The following DCDC1 variants were observed in gnomAD, a reference collection of about 807,000 sequenced individuals.
DCDC1 encodes doublecortin domain-containing protein 1.
A neutral mutation model predicts 178.3 loss-of-function variants in DCDC1; 200 were observed. The ratio of observed to expected loss-of-function variants is 1.12; its 90% CI spans 1.00 to 1.26. DCDC1 has a LOEUF of 1.26. Among genes scored for constraint, DCDC1 ranks in the 50% most tolerant of loss-of-function variants. The probability of loss-of-function intolerance (pLI) is 0.00; values close to 1 mark genes in which losing one functional copy is unlikely to be tolerated. For missense variants in DCDC1, 1,983 were observed against 1,749.2 expected (o/e 1.13, Z -2.38); for synonymous variants, 690 against 604.8 (o/e 1.14, Z -2.07).
intron 9 of DCDC1, among the ~76,000 whole-genome samples, chr11:31,219,616 G>A (rs1185020971): frequency 1.3e-5 from 2 of 152,080 alleles, no homozygotes; most frequent in African/African-American, 4.8e-5. Context: ...TCTTGAAAAG[G>A]GTTTTCATTC....
intron 3 of DCDC1, among the ~76,000 whole-genome samples, chr11:31,309,903 T>C (rs1055863750): frequency 6.6e-6 from 1 of 152,196 alleles, no homozygotes; most frequent in African/African-American, 2.4e-5. Flanking sequence ...TGGATTTTAC[T>C]GGAATATAAT....
At chr11:30,960,270 C>T (rs556339756) in intron 20 of DCDC1, among the ~76,000 whole-genome samples, 122 of 152,220 alleles carry the variant, frequency 8.0e-4, no homozygotes, top group Non-Finnish European at 1.6e-3. Flanking sequence ...TTTTCATTAT[C>T]TGGTTGCAGT....
At chr11:31,247,707 A>C (rs963505459) in intron 8 of DCDC1, among the ~76,000 whole-genome samples, 1 of 151,984 alleles carries the variant, frequency 6.6e-6, no homozygotes, top group African/African-American at 2.4e-5. Context: ...ATACATCCCC[A>C]GTAGCACATT....
At chr11:31,169,496 G>C (rs1304105986) in intron 9 of DCDC1, among the ~76,000 whole-genome samples, 2 of 152,126 alleles carry the variant, frequency 1.3e-5, no homozygotes, top group East Asian at 1.9e-4. Flanking sequence ...TCAGAACAAG[G>C]CTCTTTCCTC....
chr11:31,198,524 A>G (rs767317554), intron 9 of DCDC1, among the ~76,000 whole-genome samples: 2 of 152,058 alleles, frequency 1.3e-5, no homozygotes, highest in Non-Finnish European at 1.5e-5. Context: ...GAATTCATGG[A>G]TATAGCAGGG....
chr11:31,231,343 A>C (rs1163371115), intron 9 of DCDC1, among the ~76,000 whole-genome samples: 1 of 152,144 alleles, frequency 6.6e-6, no homozygotes, highest in Non-Finnish European at 1.5e-5. Flanking sequence ...TTGGAGCCCT[A>C]TCACAAGTTT....
At chr11:30,980,425 T>C (rs1590644366) in intron 20 of DCDC1, among the ~76,000 whole-genome samples, 2 of 152,254 alleles carry the variant, frequency 1.3e-5, no homozygotes, top group East Asian at 1.9e-4. Context: ...GGAATACTAG[T>C]ATACCAGTAG....
intron 29 of DCDC1, among the ~76,000 whole-genome samples, 186 bp downstream of exon 29, chr11:30,908,760 C>A (rs1343277628): frequency 6.6e-6 from 1 of 152,024 alleles, no homozygotes; most frequent in African/African-American, 2.4e-5. Flanking sequence ...CTACCTAATT[C>A]TTTTTCTCTC....
intron 2 of DCDC1, among the ~76,000 whole-genome samples, chr11:31,330,574 A>G (rs1400779678): frequency 1.3e-5 from 2 of 152,206 alleles, no homozygotes; most frequent in African/African-American, 4.8e-5. Context: ...TAATTTTTGT[A>G]TAAGGTGTAA....
intron 8 of DCDC1, among the ~76,000 whole-genome samples, chr11:31,254,166 A>T (rs1340358333): frequency 6.6e-6 from 1 of 152,226 alleles, no homozygotes; most frequent in Non-Finnish European, 1.5e-5. Flanking sequence ...TAGATGGAGA[A>T]TTGGAAGATT....
At chr11:31,306,473 A>G (rs1293286017) in intron 4 of DCDC1, 85 bp from the exon 5 acceptor site, 1 of 1,367,948 alleles carries the variant, frequency 7.3e-7, no homozygotes, top group African/African-American at 1.5e-5. Context: ...TTTTTTAAAC[A>G]GATATAAGCA....
intron 36 of DCDC1, among the ~76,000 whole-genome samples, chr11:30,889,921 A>T (rs1406451888): frequency 4.6e-5 from 7 of 152,218 alleles, no homozygotes; most frequent in African/African-American, 1.7e-4. Flanking sequence ...AGAGCCTTTA[A>T]GGAGGTAATT....
At chr11:30,888,765 A>C (rs1305377784) in intron 36 of DCDC1, among the ~76,000 whole-genome samples, 1 of 152,240 alleles carries the variant, frequency 6.6e-6, no homozygotes, top group Non-Finnish European at 1.5e-5. Flanking sequence ...GACATTCTTA[A>C]TTCTGTTTTT....
In DCDC1 at chr11:30,998,273, T is replaced by C. The variant is rs549577967; in HGVS notation, c.2592-45705A>G. 2.1e-4 allele frequency among the ~76,000 whole-genome samples: 32 copies of C among 152,010 alleles called. No individual in the cohort carries two copies. In the South Asian group the frequency reaches 4.2e-3, roughly 20 times the overall value. ...TGCCACTGCACTCCAGCCTGGGCAA[T>C]AGAATGAAACCTGGACTCAAAATAA... On this transcript the variant is annotated intron_variant, in intron 20 of 38. Transcript: ENST00000684477.
At chr11:31,039,487 T>C (rs1282827346) in intron 20 of DCDC1, among the ~76,000 whole-genome samples, 1 of 152,196 alleles carries the variant, frequency 6.6e-6, no homozygotes, top group African/African-American at 2.4e-5. Flanking sequence ...CACTAATTTG[T>C]AAATTATGGA....
chr11:31,202,805 A>T (rs1284419191), intron 9 of DCDC1, among the ~76,000 whole-genome samples: 1 of 152,140 alleles, frequency 6.6e-6, no homozygotes, highest in Non-Finnish European at 1.5e-5. Flanking sequence ...ATATACGGAG[A>T]GGTTCAGTGA....
chr11:31,300,495 T>C (rs181905778), intron 6 of DCDC1, among the ~76,000 whole-genome samples: 326 of 152,220 alleles, frequency 2.1e-3, no homozygotes, highest in Non-Finnish European at 3.8e-3. Flanking sequence ...TCATCTATAT[T>C]ACAGATAAGG....
intron 38 of DCDC1, among the ~76,000 whole-genome samples, chr11:30,866,976 C>A (rs1167463518): frequency 6.6e-6 from 1 of 152,084 alleles, no homozygotes; most frequent in Admixed American, 6.6e-5. Flanking sequence ...GTAAGAAGAC[C>A]CTCACCATAC....
rs1408828919 is a variant in DCDC1 at position 30,911,381 on chromosome 11, T to A, written c.3693A>T (p.Ala1231=). The A allele has an allele frequency of 6.2e-7, 1 of 1,605,298 alleles. No homozygotes were observed. The highest frequency in any genetic ancestry group is 8.5e-7 in the Non-Finnish European group (1 of 1,175,854). ...HLVSNPDLVL[A]VSMTKTRNEV... ...CATTTCTAGTCTTGGTCATAGACAC[T>A]GCCAGCACAAGGTCAGGGTTACTCA... The change falls in exon 28 of 39, where the codon GCA becomes GCT. Residue 1231 remains alanine (A), a synonymous_variant. Coordinates refer to ENST00000684477, the MANE Select transcript of DCDC1 (RefSeq NM_001387274.1).
Sources: allele counts gnomAD v4.1 joint callset (sites outside exome capture counted in the v4.1 genomes callset), GRCh38; gene constraint gnomAD v4.1.1; transcripts MANE v1.5; gene names NCBI Gene and HGNC (gene_info 2026-07-23, HGNC 2026-07-21).